The following NAA10 variants were observed in gnomAD, a reference collection of about 807,000 sequenced individuals.
NAA10 encodes the protein N-alpha-acetyltransferase 10.
NAA10 carries 6 observed loss-of-function variants against 19.2 expected under a neutral mutation model. The ratio of observed to expected loss-of-function variants is 0.31; its 90% confidence interval spans 0.17 to 0.62. The LOEUF (loss-of-function observed/expected upper bound fraction) is 0.62, where lower values mean the gene tolerates loss of function less well. NAA10 is among the 20% of genes least tolerant of loss of function. The pLI, the probability that NAA10 is intolerant of heterozygous loss-of-function variation, is 0.83. For missense variants in NAA10, 101 were observed against 198.4 expected (o/e 0.51, Z 2.95); for synonymous variants, 97 against 79.9 (o/e 1.21, Z -1.14).
In NAA10 at chrX:153,932,597, A is replaced by G. The variant is rs1207774702; in HGVS notation, c.180-13T>C. ...TGGGTCCTCTTCCCTGGAGAGGGAG[A>G]AAGGAGAGGCTGCAAAGGAGCTCAG... On this transcript the variant is annotated splice_polypyrimidine_tract_variant and intron_variant, in intron 3 of 7. Coordinates refer to ENST00000464845, the MANE Select transcript of NAA10 (RefSeq NM_003491.4). The G allele has an allele frequency of 3.3e-6, 4 of 1,198,389 alleles. No homozygotes were observed. The highest frequency in any genetic ancestry group is 4.5e-6 in the Non-Finnish European group (4 of 888,071).
Position 153,929,521 on chromosome X carries a change from A to T in NAA10, c.*466T>A. 1 of 148,992 alleles carries T rather than the reference A, an allele frequency of 6.7e-6. No individual in the cohort carries two copies. Among genetic ancestry groups the T allele is most frequent in the Non-Finnish European group, 1.3e-5 (1 of 75,388 alleles). The allele number at this position is 148,992 out of a possible 1,213,427, so 12.3% of individuals were successfully genotyped here. A position where few individuals can be genotyped will look rare whatever the true frequency, so the allele number is the denominator to read the frequency against. On this transcript the variant is annotated 3_prime_UTR_variant, in exon 8 of 8. Coordinates refer to ENST00000464845, the MANE Select transcript of NAA10 (RefSeq NM_003491.4). ...GCCCAATGAGCAGTTGGATGTCCACATCTGGAGCCCACGGGTATGCTGGGG... is the reference window on the plus strand; with the variant it reads ...GCCCAATGAGCAGTTGGATGTCCACTTCTGGAGCCCACGGGTATGCTGGGG...
intron 3 of NAA10, among the ~76,000 whole-genome samples, chrX:153,933,156 T>C (rs1176198606): frequency 1.8e-5 from 2 of 112,135 alleles, no homozygotes; most frequent in African/African-American, 6.5e-5. Flanking sequence ...AAGCTGTATA[T>C]AGTATGATTC....
intron 5 of NAA10, 100 bp downstream of exon 5, chrX:153,932,216 C>G: frequency 8.6e-7 from 1 of 1,160,413 alleles, no homozygotes; most frequent in African/African-American, 1.8e-5. Context: ...TCCCCCCAAT[C>G]CCACTTCCTG....
chrX:153,933,940 C>T lies in NAA10; in HGVS notation c.179+3G>A, dbSNP rs1185134349. The stretch of plus-strand genomic sequence containing the variant: ...GCTTCTGTCTTCCTCCTTGGTGACT[C>T]ACATTTTGGCCAGGACATACCCCAC... On this transcript the variant is annotated splice_donor_region_variant and intron_variant, in intron 3 of 7. Transcript: ENST00000464845. 5.8e-6 allele frequency: 7 copies of T among 1,207,178 alleles called. No individual in the cohort carries two copies. Among genetic ancestry groups the T allele is most frequent in the South Asian group, 1.8e-5 (1 of 56,716 alleles).
chrX:153,934,660 G>A (rs2148536918), intron 1 of NAA10, 185 bp from the exon 2 acceptor site: 1 of 565,186 alleles, frequency 1.8e-6, no homozygotes, highest in Admixed American at 2.8e-5. Flanking sequence ...GGTCCCCGGA[G>A]CCCACCCAAC....
chrX:153,932,592 G>T lies in NAA10; in HGVS notation c.180-8C>A. ...TCATCTGGGTCCTCTTCCCTGGAGA[G>T]GGAGAAAGGAGAGGCTGCAAAGGAG... On this transcript the variant is annotated splice_region_variant and splice_polypyrimidine_tract_variant and intron_variant, in intron 3 of 7. Coordinates refer to ENST00000464845, the MANE Select transcript of NAA10 (RefSeq NM_003491.4). 1 of 1,202,313 alleles carries T rather than the reference G, an allele frequency of 8.3e-7. No individual in the cohort carries two copies. The highest frequency in any genetic ancestry group is 1.1e-6 in the Non-Finnish European group (1 of 889,849).
chrX:153,934,039 G>A (rs370820047), intron 2 of NAA10, 38 bp from the exon 3 acceptor site: 258 of 1,141,111 alleles, frequency 2.3e-4, no homozygotes, highest in Non-Finnish European at 3.0e-4. Flanking sequence ...ACTTCTTGTC[G>A]GAGCTAGAAG....
intron 2 of NAA10, 158 bp from the exon 3 acceptor site, chrX:153,934,159 C>A: frequency 1.7e-6 from 1 of 580,952 alleles, no homozygotes; most frequent in Non-Finnish European, 2.9e-6. Flanking sequence ...CTGCCCATAC[C>A]CAGAAAGAAG....
At chrX:153,932,902 A>C in intron 3 of NAA10, 1 of 317,871 alleles carries the variant, frequency 3.1e-6, no homozygotes, top group Non-Finnish European at 5.6e-6. Flanking sequence ...AAAATCAAAA[A>C]ATTAGCTGGA....
At chrX:153,933,745 A>T (rs1010219920) in intron 3 of NAA10, 198 bp downstream of exon 3, 175 of 415,788 alleles carry the variant, frequency 4.2e-4, no homozygotes, top group Non-Finnish European at 6.7e-4. Context: ...GACCACACAA[A>T]TCCAACATGC....
chrX:153,933,941 A>C lies in NAA10; in HGVS notation c.179+2T>G, dbSNP rs2065181607. On this transcript the variant is annotated splice_donor_variant, in intron 3 of 7. Transcript: ENST00000464845. LOFTEE classifies it high-confidence loss of function. ...CTTCTGTCTTCCTCCTTGGTGACTC[A>C]CATTTTGGCCAGGACATACCCCACA... is the stretch of plus-strand genomic sequence containing the variant. 1 of 1,207,397 alleles carries C rather than the reference A, an allele frequency of 8.3e-7. No homozygotes were observed. Among genetic ancestry groups the C allele is most frequent in the Non-Finnish European group, 1.1e-6 (1 of 893,025 alleles).
Position 153,930,641 on chromosome X carries a change from G to A in NAA10, c.471+122C>T, listed in dbSNP as rs41301323. The A allele has an allele frequency of 0.022, 16,262 of 741,030 alleles. 165 individuals are homozygous for A. The highest frequency in any genetic ancestry group is 0.049 in the Middle Eastern group (113 of 2,326). 61.1% of individuals were successfully genotyped at this position (741,030 alleles called of 1,213,427 possible). A position where few individuals can be genotyped will look rare whatever the true frequency, so the allele number is the denominator to read the frequency against. ...AAGCCCAGCCTAGGAAACTGAGGTC[G>A]TGACTCCTGGCAACGTAGCCACAAG... On this transcript the variant is annotated intron_variant, in intron 7 of 7. Coordinates refer to ENST00000464845, the MANE Select transcript of NAA10 (RefSeq NM_003491.4).
intron 3 of NAA10, 130 bp from the exon 4 acceptor site, chrX:153,932,714 C>G: frequency 1.6e-6 from 1 of 644,740 alleles, no homozygotes; most frequent in Non-Finnish European, 2.5e-6. Context: ...GAGCCGGGAG[C>G]CTCTTGGATC....
In NAA10 at chrX:153,932,360, T is replaced by C; in HGVS notation, c.297A>G (p.Ile99Met). The C allele has an allele frequency of 2.5e-6, 3 of 1,211,523 alleles. No homozygotes were observed. Among genetic ancestry groups the C allele is most frequent in the Non-Finnish European group, 3.4e-6 (3 of 895,261 alleles). ...KLMDQASRAM[I>M]ENFNAKYVSL... is the part of the protein sequence containing the mutation. ...AGACATATTTGGCATTGAAGTTCTC[T>C]ATCATGGCTCGAGAGGCCTGGTCCA... is the stretch of plus-strand genomic sequence containing the variant. Residue 99 changes from isoleucine (I) to methionine (M), a missense_variant, in exon 5 of 8, where the codon ATA (isoleucine) becomes ATG (methionine). Physicochemically the swap from Ile to Met is conservative, Grantham distance 10. This residue lies in a region of NAA10 where 43 missense variants were observed against 122.6 expected (regional missense o/e 0.35). Transcript: ENST00000464845.
Position 153,932,790 on chromosome X carries a change from G to A in NAA10, c.180-206C>T. On this transcript the variant is annotated intron_variant, in intron 3 of 7. Transcript: ENST00000464845. ...CAAGCCTGCCGGGTGTGGGGCACACGCCTATAGTTCCAGCTACTTGGCAGG... is the reference window on the plus strand; with the variant it reads ...CAAGCCTGCCGGGTGTGGGGCACACACCTATAGTTCCAGCTACTTGGCAGG... 5 of 456,806 alleles carry A rather than the reference G, an allele frequency of 1.1e-5. No individual in the cohort carries two copies. The East Asian group carries it at 1.1e-4, about 10-fold the overall frequency. The allele number at this position is 456,806 out of a possible 1,213,427, so 37.6% of individuals were successfully genotyped here. A position where few individuals can be genotyped will look rare whatever the true frequency, so the allele number is the denominator to read the frequency against.
In NAA10 at chrX:153,933,943, A is replaced by G; in HGVS notation, c.179T>C (p.Met60Thr). 8.3e-7 allele frequency: 1 copy of G among 1,209,892 alleles called. No individual in the cohort carries two copies. The highest frequency in any genetic ancestry group is 1.1e-6 in the Non-Finnish European group (1 of 893,903). ...GKIVGYVLAK[M>T]EEDPDDVPHG... ...TCTGTCTTCCTCCTTGGTGACTCAC[A>G]TTTTGGCCAGGACATACCCCACAAT... The change falls in exon 3 of 8, where the codon ATG becomes ACG. Residue 60 changes from methionine to threonine, a missense_variant and splice_region_variant. Transcript: ENST00000464845.
rs1557108115 is a variant in NAA10, at chrX:153,934,925, GTCCCAGCGGA to G, written c.-31_-22del. The G allele has an allele frequency of 1.7e-5, 17 of 999,180 alleles. No homozygotes were observed. The highest frequency in any genetic ancestry group is 2.2e-5 in the Non-Finnish European group (17 of 783,470). 82.3% of individuals were successfully genotyped at this position (999,180 alleles called of 1,213,427 possible). On this transcript the variant is annotated 5_prime_UTR_variant, in exon 1 of 8. Coordinates refer to ENST00000464845, the MANE Select transcript of NAA10 (RefSeq NM_003491.4). ...TTCATAACGGCGGCGGGGCTCGCGG[GTCCCAGCGGA>G]TCGTGAAGGCGCAGTCAGCTGCCGC...
intron 1 of NAA10, 103 bp from the exon 2 acceptor site, chrX:153,934,578 G>A: frequency 1.0e-5 from 7 of 690,269 alleles, no homozygotes; most frequent in South Asian, 9.2e-5. Context: ...CTCCCTCGGG[G>A]CTGGGCAGGC....
At position 153,929,918 on chromosome X, in the gene NAA10, A is replaced by C. The variant is rs2065156084; in HGVS notation, c.*69T>G. 1.1e-6 allele frequency: 1 copy of C among 937,449 alleles called. No individual in the cohort carries two copies. 77.3% of individuals were successfully genotyped at this position (937,449 alleles called of 1,213,427 possible). ...CTAAATGTGCGCGCGCTCACACACA[A>C]AGTTCCCCAGTGCCACGGAGCGAAT... On this transcript the variant is annotated 3_prime_UTR_variant, in exon 8 of 8. Coordinates refer to ENST00000464845, the MANE Select transcript of NAA10 (RefSeq NM_003491.4).
Sources: allele counts gnomAD v4.1 joint callset (sites outside exome capture counted in the v4.1 genomes callset), GRCh38; gene constraint gnomAD v4.1.1; regional missense constraint gnomAD v4.1.1; transcripts MANE v1.5; gene names NCBI Gene and HGNC (gene_info 2026-07-23, HGNC 2026-07-21).